The following PGPEP1L variants were observed in gnomAD, a reference collection of about 807,000 sequenced individuals.
PGPEP1L encodes pyroglutamyl-peptidase 1-like protein.
A neutral mutation model predicts 6.0 loss-of-function variants in PGPEP1L; 7 were observed. The ratio of observed to expected loss-of-function variants is 1.17; its 90% CI spans 0.66 to 2.19. PGPEP1L has a LOEUF of 2.19. PGPEP1L is among the 30% of genes most tolerant of loss of function. The pLI is 0.00. For synonymous variants in PGPEP1L, 103 were observed against 83.9 expected (o/e 1.23, Z -1.24); for missense variants, 209 against 192.5 (o/e 1.09, Z -0.51).
In PGPEP1L at chr15:98,979,630, ATTCTTT is replaced by A. The variant is rs1349379810; in HGVS notation, c.-141-8478_-141-8473del. Reference sequence around the variant, plus strand: ...AGCAACCTGGATGGGATTGGAGACTATTCTTTTTTTTTTTTTTTTTTTTTTTTTTTT... The same window carrying A: ...AGCAACCTGGATGGGATTGGAGACTATTTTTTTTTTTTTTTTTTTTTTTTT... On this transcript the variant is annotated intron_variant, in intron 2 of 4. Coordinates refer to ENST00000535714, the MANE Select transcript of PGPEP1L (RefSeq NM_001167902.2). 1.2e-3 allele frequency among the ~76,000 whole-genome samples: 127 copies of A among 105,824 alleles called. 1 individual carries two copies. Among genetic ancestry groups the A allele is most frequent in the African/African-American group, 2.2e-3 (59 of 26,332 alleles). 69.4% of individuals were successfully genotyped at this position (105,824 alleles called of 152,430 possible). A position where few individuals can be genotyped will look rare whatever the true frequency, so the allele number is the denominator to read the frequency against.
At chr15:98,984,009 C>CTTTTTTTTTTTTT (rs71456904) in intron 2 of PGPEP1L, among the ~76,000 whole-genome samples, 45 of 115,782 alleles carry the variant, frequency 3.9e-4, no homozygotes, top group Middle Eastern at 4.9e-3. Context: ...AGTAAGTAGT[C>CTTTTTTTTTTTTT]TTTTTTTTTT....
chr15:98,970,905 C>T (rs2017483492), intron 3 of PGPEP1L, 131 bp downstream of exon 3: 6 of 1,344,720 alleles, frequency 4.5e-6, no homozygotes, highest in Non-Finnish European at 5.0e-6. Flanking sequence ...CAGCTGGGAC[C>T]TTGCATGACT....
Position 99,007,569 on chromosome 15 carries a change from T to TGAGTGCAGCTACGGACCTTCAC in PGPEP1L, c.-581_-580insGTGAAGGTCCGTAGCTGCACTC. Reference sequence around the variant, plus strand: ...TCAGGAGTGAAGCTACGGACCTTCATCATGAGTGCTACGGCTCTTAAGGTG... The same window carrying TGAGTGCAGCTACGGACCTTCAC: ...TCAGGAGTGAAGCTACGGACCTTCATGAGTGCAGCTACGGACCTTCACCATGAGTGCTACGGCTCTTAAGGTG... On this transcript the variant is annotated 5_prime_UTR_variant, in exon 1 of 5. The change creates a premature stop within an existing upstream ORF in the 5' untranslated region. Coordinates refer to ENST00000535714, the MANE Select transcript of PGPEP1L (RefSeq NM_001167902.2). 1 of 152,100 alleles carries TGAGTGCAGCTACGGACCTTCAC rather than the reference T, an allele frequency of 6.6e-6. No homozygotes were observed. Among genetic ancestry groups the TGAGTGCAGCTACGGACCTTCAC allele is most frequent in the South Asian group, 2.1e-4 (1 of 4,810 alleles). The allele number at this position is 152,100 out of a possible 1,614,324, so 9.4% of individuals were successfully genotyped here.
intron 2 of PGPEP1L, among the ~76,000 whole-genome samples, chr15:98,998,510 G>A (rs1555472686): frequency 6.6e-6 from 1 of 152,164 alleles, no homozygotes; most frequent in African/African-American, 2.4e-5. Context: ...ACATGAATAT[G>A]CCCAATTGTT....
At chr15:98,972,085 G>C (rs2017505533) in intron 2 of PGPEP1L, among the ~76,000 whole-genome samples, 1 of 152,190 alleles carries the variant, frequency 6.6e-6, no homozygotes, top group Non-Finnish European at 1.5e-5. Flanking sequence ...AGGCATGGTG[G>C]TTCACACCTG....
At chr15:99,004,053 C>T (rs2151767695) in intron 2 of PGPEP1L, among the ~76,000 whole-genome samples, 1 of 147,670 alleles carries the variant, frequency 6.8e-6, no homozygotes, top group Non-Finnish European at 1.5e-5. Flanking sequence ...ATCCAGGAAA[C>T]CCTGCCTCTT....
At chr15:98,975,182 G>C (rs961444967) in intron 2 of PGPEP1L, among the ~76,000 whole-genome samples, 1 of 152,200 alleles carries the variant, frequency 6.6e-6, no homozygotes, top group Non-Finnish European at 1.5e-5. Context: ...AACATGGATA[G>C]AACTGGAGGT....
intron 2 of PGPEP1L, among the ~76,000 whole-genome samples, chr15:98,976,797 A>G (rs1191551344): frequency 6.6e-6 from 1 of 152,180 alleles, no homozygotes; most frequent in Non-Finnish European, 1.5e-5. Context: ...GAGTAAAGAC[A>G]TGAAAATTTT....
intron 2 of PGPEP1L, among the ~76,000 whole-genome samples, chr15:98,981,360 G>A (rs1044371987): frequency 4.6e-5 from 7 of 151,552 alleles, no homozygotes; most frequent in Non-Finnish European, 7.4e-5. Context: ...CGTGCTGGCG[G>A]GCGCCTGTAG....
At chr15:98,998,716 G>A (rs1351081874) in intron 2 of PGPEP1L, among the ~76,000 whole-genome samples, 1 of 152,228 alleles carries the variant, frequency 6.6e-6, no homozygotes, top group Non-Finnish European at 1.5e-5. Flanking sequence ...GGTGGCTCAT[G>A]CCTGTAATCC....
At chr15:98,971,501 A>T (rs2017497256) in intron 2 of PGPEP1L, among the ~76,000 whole-genome samples, 1 of 152,140 alleles carries the variant, frequency 6.6e-6, no homozygotes, top group African/African-American at 2.4e-5. Flanking sequence ...TTCCAAAAAA[A>T]GAAAAGAAAA....
chr15:99,006,212 C>T (rs1418231282), intron 1 of PGPEP1L, among the ~76,000 whole-genome samples: 3 of 152,240 alleles, frequency 2.0e-5, no homozygotes, highest in Non-Finnish European at 4.4e-5. Flanking sequence ...TGGATTCTTT[C>T]TGTGCCCCAG....
intron 2 of PGPEP1L, among the ~76,000 whole-genome samples, chr15:98,994,601 A>T (rs1021566205): frequency 6.6e-6 from 1 of 152,174 alleles, no homozygotes; most frequent in African/African-American, 2.4e-5. Flanking sequence ...AAGAAAAAAA[A>T]ATGGAGCTAT....
At chr15:98,970,186 C>T (rs1057138947) in intron 3 of PGPEP1L, among the ~76,000 whole-genome samples, 2 of 151,336 alleles carry the variant, frequency 1.3e-5, no homozygotes, top group Middle Eastern at 3.6e-3. Context: ...GTAGCGGGGA[C>T]TACAGGTGCA....
At chr15:99,001,520 C>T (rs1239486484) in intron 2 of PGPEP1L, among the ~76,000 whole-genome samples, 1 of 152,078 alleles carries the variant, frequency 6.6e-6, no homozygotes, top group Admixed American at 6.6e-5. Flanking sequence ...TATACTGAGC[C>T]ACTGAATGTT....
chr15:99,001,704 TTGTG>T (rs879997118), intron 2 of PGPEP1L, among the ~76,000 whole-genome samples: 1 of 150,638 alleles, frequency 6.6e-6, no homozygotes, highest in Non-Finnish European at 1.5e-5. Flanking sequence ...ATTTATATAT[TTGTG>T]TTTTTTATTT....
intron 2 of PGPEP1L, among the ~76,000 whole-genome samples, chr15:98,984,869 T>TA (rs1378980784): frequency 6.6e-6 from 1 of 151,776 alleles, no homozygotes; most frequent in Non-Finnish European, 1.5e-5. Context: ...TAGAGACTGA[T>TA]AGCAAGGACG....
intron 2 of PGPEP1L, among the ~76,000 whole-genome samples, chr15:98,993,609 G>C (rs1158445138): frequency 7.5e-6 from 1 of 134,150 alleles, no homozygotes; most frequent in Non-Finnish European, 1.6e-5. Flanking sequence ...CTCATACTGG[G>C]AGTTAAACAA....
At chr15:98,982,364 TTG>T (rs1399889980) in intron 2 of PGPEP1L, among the ~76,000 whole-genome samples, 4 of 152,224 alleles carry the variant, frequency 2.6e-5, no homozygotes, top group Non-Finnish European at 2.9e-5. Flanking sequence ...TTGTGGATTC[TTG>T]TGTCATTTCG....
Sources: allele counts gnomAD v4.1 joint callset (sites outside exome capture counted in the v4.1 genomes callset), GRCh38; gene constraint gnomAD v4.1.1; transcripts MANE v1.5; gene names NCBI Gene and HGNC (gene_info 2026-07-23, HGNC 2026-07-21).